LRRFIP1: variants seen among roughly 807,000 people sequenced by gnomAD.
LRRFIP1 encodes the protein leucine-rich repeat flightless-interacting protein 1.
Under a neutral mutation model 104.4 loss-of-function variants are expected in LRRFIP1, and 62 were observed. The observed-to-expected ratio is 0.59, with a 90% CI of 0.48 to 0.73. The LOEUF (loss-of-function observed/expected upper bound fraction) is 0.73, where lower values mean the gene tolerates loss of function less well. Ranked by LOEUF, LRRFIP1 falls within the 30% of genes least tolerant of loss-of-function variation. The probability of loss-of-function intolerance (pLI) is 0.00; values close to 1 mark genes in which losing one functional copy is unlikely to be tolerated. For missense variants in LRRFIP1, 796 were observed against 824.5 expected (o/e 0.97, Z 0.42); for synonymous variants, 300 against 299.0 (o/e 1.00, Z -0.03).
chr2:237,674,844 A>G (rs894592521), intron 1 of LRRFIP1, among the ~76,000 whole-genome samples: 4 of 152,202 alleles, frequency 2.6e-5, no homozygotes, highest in African/African-American at 9.7e-5. Context: ...CACTGTCAGT[A>G]TTTGGTGGAA....
intron 1 of LRRFIP1, among the ~76,000 whole-genome samples, chr2:237,662,710 T>G (rs953191920): frequency 2.6e-4 from 40 of 152,098 alleles, no homozygotes; most frequent in African/African-American, 8.0e-4. Flanking sequence ...CCTGTGTTGG[T>G]TAACATTAAA....
intron 1 of LRRFIP1, among the ~76,000 whole-genome samples, chr2:237,638,766 G>A (rs1318191400): frequency 6.6e-6 from 1 of 152,240 alleles, no homozygotes; most frequent in African/African-American, 2.4e-5. Context: ...TGTAGCTCCA[G>A]AGCAATTCCC....
At chr2:237,671,968 C>G (rs549007473) in intron 1 of LRRFIP1, among the ~76,000 whole-genome samples, 1 of 151,104 alleles carries the variant, frequency 6.6e-6, no homozygotes, top group Non-Finnish European at 1.5e-5. Flanking sequence ...TCACTGTTCA[C>G]CGGGTTGAGG....
intron 1 of LRRFIP1, among the ~76,000 whole-genome samples, chr2:237,642,893 A>G (rs1242019425): frequency 6.6e-6 from 1 of 152,138 alleles, no homozygotes; most frequent in Non-Finnish European, 1.5e-5. Context: ...GGACTCATAC[A>G]CCAGCTCCAG....
intron 9 of LRRFIP1, 115 bp downstream of exon 9, chr2:237,733,933 C>G (rs1439092619): frequency 6.3e-6 from 7 of 1,112,290 alleles, no homozygotes; most frequent in Non-Finnish European, 9.4e-6. Context: ...GGAAGTTGCA[C>G]CTTCACGTGG....
chr2:237,671,997 C>T (rs544739939), intron 1 of LRRFIP1, among the ~76,000 whole-genome samples: 3 of 151,316 alleles, frequency 2.0e-5, no homozygotes, highest in African/African-American at 7.3e-5. Context: ...TCCTTATTTC[C>T]ACTTCTGCTT....
chr2:237,756,221 T>G, intron 16 of LRRFIP1, 34 bp downstream of exon 16: 1 of 1,551,794 alleles, frequency 6.4e-7, no homozygotes, highest in Non-Finnish European at 8.9e-7. Context: ...CTTTTCCTTT[T>G]TTCCCTTTGG....
At chr2:237,713,937 T>C (rs1429270984) in intron 2 of LRRFIP1, among the ~76,000 whole-genome samples, 1 of 152,246 alleles carries the variant, frequency 6.6e-6, no homozygotes, top group Non-Finnish European at 1.5e-5. Flanking sequence ...AAAGAAATTC[T>C]GAATTAAAGA....
intron 10 of LRRFIP1, among the ~76,000 whole-genome samples, chr2:237,738,903 G>C (rs2095332914): frequency 6.6e-6 from 1 of 152,254 alleles, no homozygotes; most frequent in Non-Finnish European, 1.5e-5. Context: ...TCTCAAAACA[G>C]TCATTTCCAC....
chr2:237,663,173 C>T (rs940663212), intron 1 of LRRFIP1, among the ~76,000 whole-genome samples: 3 of 152,204 alleles, frequency 2.0e-5, no homozygotes, highest in South Asian at 2.1e-4. Context: ...CTTTAGGGCT[C>T]GCCTGCCCTG....
At chr2:237,772,765 T>G in intron 21 of LRRFIP1, 101 bp from the exon 22 acceptor site, 1 of 802,594 alleles carries the variant, frequency 1.2e-6, no homozygotes, top group Non-Finnish European at 2.1e-6. Context: ...AACAGATTTG[T>G]GAGATGATTA....
At chr2:237,762,833 C>G (rs746272916) in intron 19 of LRRFIP1, 27 of 1,614,076 alleles carry the variant, frequency 1.7e-5, no homozygotes. Flanking sequence ...GGTTCAAAGC[C>G]AAATTCTTGA....
chr2:237,650,139 G>T (rs2085680836), intron 1 of LRRFIP1, among the ~76,000 whole-genome samples: 1 of 150,440 alleles, frequency 6.6e-6, no homozygotes, highest in Admixed American at 6.6e-5. Flanking sequence ...AGAGGAACAA[G>T]AAGGGCAAGT....
intron 1 of LRRFIP1, among the ~76,000 whole-genome samples, chr2:237,663,729 T>C (rs1285418838): frequency 1.3e-5 from 2 of 152,220 alleles, no homozygotes; most frequent in African/African-American, 2.4e-5. Flanking sequence ...ACAGACACTG[T>C]GGAACTGACT....
chr2:237,666,676 C>T (rs933778824), intron 1 of LRRFIP1, among the ~76,000 whole-genome samples: 2 of 152,096 alleles, frequency 1.3e-5, no homozygotes, highest in East Asian at 1.9e-4. Flanking sequence ...AGAAGCCACA[C>T]GGAGTGAAGA....
chr2:237,722,471 T>G (rs1326463135), intron 6 of LRRFIP1, among the ~76,000 whole-genome samples: 1 of 152,202 alleles, frequency 6.6e-6, no homozygotes, highest in Non-Finnish European at 1.5e-5. Flanking sequence ...CATTTCATTT[T>G]CAATGATTTT....
At position 237,748,404 on chromosome 2, in the gene LRRFIP1, G is replaced by A; in HGVS notation, c.669+5G>A. 1.2e-6 allele frequency: 2 copies of A among 1,602,652 alleles called. No individual in the cohort carries two copies. The highest frequency in any genetic ancestry group is 1.7e-4 in the Middle Eastern group (1 of 6,024). ...GAAAAAGATTTTACTGAGAAGGTAA[G>A]GAATCGTTCATAAACCTAGAGGGTC... On this transcript the variant is annotated splice_donor_5th_base_variant and intron_variant, in intron 12 of 23. Coordinates refer to ENST00000308482, the MANE Select transcript of LRRFIP1 (RefSeq NM_001137550.2).
At chr2:237,739,501 C>G (rs3769072) in intron 11 of LRRFIP1, among the ~76,000 whole-genome samples, 192 bp downstream of exon 11, 50,137 of 152,118 alleles carry the variant, frequency 0.33, 9,269 homozygotes, top group African/African-American at 0.49. Flanking sequence ...TTAGAGGAGG[C>G]AAACTTTATA....
intron 23 of LRRFIP1, among the ~76,000 whole-genome samples, chr2:237,778,089 TG>T (rs2061243603): frequency 6.6e-6 from 1 of 152,194 alleles, no homozygotes. Context: ...GCTCAGTCTT[TG>T]GGGGTCTAAT....
Sources: allele counts gnomAD v4.1 joint callset (sites outside exome capture counted in the v4.1 genomes callset), GRCh38; gene constraint gnomAD v4.1.1; transcripts MANE v1.5; gene names NCBI Gene and HGNC (gene_info 2026-07-23, HGNC 2026-07-21).